Variants in GALNT13 observed in about 807,000 individuals in gnomAD.
GALNT13 encodes polypeptide N-acetylgalactosaminyltransferase 13.
Under a neutral mutation model 64.2 loss-of-function variants are expected in GALNT13, and 28 were observed. The ratio of observed to expected loss-of-function variants is 0.44; its 90% confidence interval spans 0.32 to 0.60. The LOEUF is 0.60. GALNT13 is among the 20% of genes least tolerant of loss of function. The pLI, the probability that GALNT13 is intolerant of heterozygous loss-of-function variation, is 0.05. For synonymous variants in GALNT13, 214 were observed against 224.6 expected, an observed-to-expected ratio of 0.95 and a Z score of 0.42; for missense variants, 577 against 669.8, an observed-to-expected ratio of 0.86 and a Z score of 1.53.
At chr2:153,845,035 A>T in the GALNT13 span, among the ~76,000 whole-genome samples, 1 of 152,154 alleles carries the variant, frequency 6.6e-6, no homozygotes, top group South Asian at 2.1e-4. Flanking sequence ...TCTCTAAGAA[A>T]TTCCAAACTT....
intron 3 of GALNT13, among the ~76,000 whole-genome samples, chr2:154,131,158 A>C (rs2105547286): frequency 6.6e-6 from 1 of 152,284 alleles, no homozygotes. Context: ...GCATAATTTT[A>C]TTATCTTAGT....
At chr2:153,792,952 C>G in the GALNT13 span, among the ~76,000 whole-genome samples, 2 of 149,740 alleles carry the variant, frequency 1.3e-5, no homozygotes, top group Admixed American at 1.3e-4. Context: ...TCTGAGGTAA[C>G]ATTTCTTTTC....
chr2:153,853,903 G>T, the GALNT13 span, among the ~76,000 whole-genome samples: 1 of 151,660 alleles, frequency 6.6e-6, no homozygotes, highest in Non-Finnish European at 1.5e-5. Flanking sequence ...TTATGAAAAC[G>T]CATGAGGAAA....
At chr2:153,362,557 A>G in the GALNT13 span, among the ~76,000 whole-genome samples, 127 of 73,034 alleles carry the variant, frequency 1.7e-3, no homozygotes, top group African/African-American at 5.1e-3. Flanking sequence ...GGAGAGCAAA[A>G]AAAAAAAAAA....
At chr2:153,455,240 G>T in the GALNT13 span, among the ~76,000 whole-genome samples, 3 of 152,114 alleles carry the variant, frequency 2.0e-5, no homozygotes, top group East Asian at 1.9e-4. Context: ...AAGAAACAAG[G>T]GATAAAATTT....
chr2:154,148,972 T>G (rs1683798884), intron 4 of GALNT13, among the ~76,000 whole-genome samples: 1 of 152,190 alleles, frequency 6.6e-6, no homozygotes, highest in African/African-American at 2.4e-5. Context: ...TTGCCATTGC[T>G]TTTGGTGTTT....
At chr2:154,386,437 G>C (rs1384513638) in intron 9 of GALNT13, among the ~76,000 whole-genome samples, 1 of 151,968 alleles carries the variant, frequency 6.6e-6, no homozygotes, top group Non-Finnish European at 1.5e-5. Flanking sequence ...ATACTATCTG[G>C]GTGGCCTGAT....
chr2:153,555,256 G>T, the GALNT13 span, among the ~76,000 whole-genome samples: 1 of 99,180 alleles, frequency 1.0e-5, no homozygotes. Context: ...GTGCAGTGGC[G>T]CGATCTCGGC....
the GALNT13 span, among the ~76,000 whole-genome samples, chr2:153,404,514 A>ATT: frequency 0.083 from 12,481 of 150,114 alleles, 1,683 homozygotes; most frequent in African/African-American, 0.28. Flanking sequence ...TTTTCAAAAG[A>ATT]TTTTTTTTTT....
intron 3 of GALNT13, among the ~76,000 whole-genome samples, chr2:154,133,377 A>G (rs1036288963): frequency 4.6e-5 from 7 of 151,752 alleles, no homozygotes; most frequent in Non-Finnish European, 8.8e-5. Context: ...AATTAAACCC[A>G]TTAAGTCCAT....
intron 3 of GALNT13, among the ~76,000 whole-genome samples, chr2:154,006,726 A>G (rs765472691): frequency 1.3e-5 from 2 of 152,158 alleles, no homozygotes; most frequent in Non-Finnish European, 2.9e-5. Context: ...TGCACGTGAA[A>G]ATTACCAGGC....
intron 3 of GALNT13, among the ~76,000 whole-genome samples, chr2:153,960,560 A>G (rs1692873717): frequency 6.6e-6 from 1 of 152,210 alleles, no homozygotes; most frequent in African/African-American, 2.4e-5. Flanking sequence ...ATACAGATTA[A>G]GAGATGAAGG....
the GALNT13 span, among the ~76,000 whole-genome samples, chr2:153,433,414 T>C: frequency 1.5e-5 from 2 of 131,952 alleles, no homozygotes; most frequent in African/African-American, 6.0e-5. Flanking sequence ...AATTTTCCAC[T>C]CCAAATTAGG....
chr2:154,204,743 A>G (rs779759828), intron 4 of GALNT13, among the ~76,000 whole-genome samples: 2 of 152,170 alleles, frequency 1.3e-5, no homozygotes, highest in Admixed American at 6.6e-5. Flanking sequence ...TTTGTACTCT[A>G]CTATCTAACC....
the GALNT13 span, among the ~76,000 whole-genome samples, chr2:153,317,218 A>C: frequency 2.0e-5 from 3 of 152,206 alleles, no homozygotes; most frequent in African/African-American, 7.2e-5. Context: ...TTTATACTGC[A>C]GTGATGGAAG....
At chr2:154,387,450 T>C (rs1386870029) in intron 9 of GALNT13, among the ~76,000 whole-genome samples, 1 of 152,142 alleles carries the variant, frequency 6.6e-6, no homozygotes, top group African/African-American at 2.4e-5. Context: ...TTAGTGATAA[T>C]GTCCTAGTTA....
intron 4 of GALNT13, among the ~76,000 whole-genome samples, chr2:154,234,924 A>G (rs900179549): frequency 6.6e-6 from 1 of 152,148 alleles, no homozygotes; most frequent in Non-Finnish European, 1.5e-5. Context: ...AGTATAAAAA[A>G]GTAAAAGATT....
chr2:154,195,896 A>C (rs1686854174), intron 4 of GALNT13, among the ~76,000 whole-genome samples: 1 of 152,130 alleles, frequency 6.6e-6, no homozygotes, highest in Non-Finnish European at 1.5e-5. Flanking sequence ...CCCTAACTCC[A>C]TTCTGCAGAA....
intron 9 of GALNT13, among the ~76,000 whole-genome samples, chr2:154,340,025 A>T (rs564558001): frequency 1.3e-5 from 2 of 152,132 alleles, no homozygotes; most frequent in Admixed American, 1.3e-4. Flanking sequence ...AAAAATGTCT[A>T]TTCTAATTCT....
Sources: allele counts gnomAD v4.1 joint callset (sites outside exome capture counted in the v4.1 genomes callset), GRCh38; gene constraint gnomAD v4.1.1; transcripts MANE v1.5; gene names NCBI Gene and HGNC (gene_info 2026-07-23, HGNC 2026-07-21).